Variants in C5 observed in about 807,000 individuals in gnomAD.
C5 encodes complement C5.
C5 carries 140 observed loss-of-function variants against 218.8 expected under a neutral mutation model. The ratio of observed to expected loss-of-function variants is 0.64; its 90% CI spans 0.56 to 0.74. C5 has a LOEUF of 0.74. C5 is among the 30% of genes least tolerant of loss of function. The pLI, the probability that C5 is intolerant of heterozygous loss-of-function variation, is 0.00. For synonymous variants in C5, 614 were observed against 682.3 expected (o/e 0.90, Z 1.56); for missense variants, 1,700 against 1,969.6 (o/e 0.86, Z 2.59).
At chr9:121,039,314 G>A (rs917014651) in intron 3 of C5, among the ~76,000 whole-genome samples, 11 of 152,250 alleles carry the variant, frequency 7.2e-5, no homozygotes, top group African/African-American at 2.6e-4. Context: ...GTACATTGGA[G>A]GCAAGATCTA....
Position 120,983,653 on chromosome 9 carries a change from A to G in C5, c.3231-839T>C, listed in dbSNP as rs2047011871. On this transcript the variant is annotated intron_variant, in intron 25 of 40. Coordinates refer to ENST00000223642, the MANE Select transcript of C5 (RefSeq NM_001735.3). The stretch of plus-strand genomic sequence containing the variant: ...TAGTGAGACATTGTCTCTACAAAAA[A>G]TGCAAAACATTAGCCAGATGTGGTG... Among the ~76,000 whole-genome samples, 3 of 152,320 alleles carry G rather than the reference A, an allele frequency of 2.0e-5. No homozygotes were observed. In the South Asian group the frequency reaches 6.2e-4, roughly 32 times the overall value.
the C5 span, among the ~76,000 whole-genome samples, chr9:121,059,651 G>A: frequency 3.9e-5 from 6 of 152,302 alleles, no homozygotes; most frequent in African/African-American, 7.2e-5. This position sits in a 1 kb window ranked among gnomAD's most constrained non-coding sequence, Gnocchi z 4.1. Flanking sequence ...GTATCACACC[G>A]ATTCATCTGA....
rs762047129 is a variant in C5, at chr9:121,025,458, A to AGACT, written c.992_995dup (p.Thr333ValfsTer7). On this transcript the variant is annotated frameshift_variant, in exon 9 of 41. Transcript: ENST00000223642. LOFTEE classifies it high-confidence loss of function. ...CACACACACACACACACTTACCTGT[A>AGACT]GACTCTATGACTGTTACAGCAATAT... is the stretch of plus-strand genomic sequence containing the variant. 1.9e-6 allele frequency: 3 copies of AGACT among 1,588,406 alleles called. No individual in the cohort carries two copies. In the Admixed American group the frequency reaches 5.2e-5, roughly 28 times the overall value.
intron 20 of C5, among the ~76,000 whole-genome samples, chr9:121,000,946 G>A (rs916458285): frequency 2.6e-5 from 4 of 151,996 alleles, no homozygotes; most frequent in African/African-American, 7.2e-5. Flanking sequence ...GTAGAAAAAC[G>A]TTTTTAAAAC....
chr9:121,074,665 G>C, the C5 span: 2 of 376,176 alleles, frequency 5.3e-6, no homozygotes, highest in African/African-American at 2.1e-5. Context: ...GGGTGGCGGC[G>C]GCAGCTTTGT....
chr9:121,052,437 G>C (rs528945834), upstream of C5, among the ~76,000 whole-genome samples: 11 of 137,084 alleles, frequency 8.0e-5, no homozygotes, highest in African/African-American at 2.8e-4. Flanking sequence ...GAGCAACAGA[G>C]CCAGACTCCA....
At chr9:121,039,748 A>C (rs2047560607) in intron 3 of C5, among the ~76,000 whole-genome samples, 2 of 152,198 alleles carry the variant, frequency 1.3e-5, no homozygotes, top group African/African-American at 4.8e-5. Flanking sequence ...TCCTGGGTTC[A>C]TGCCATTCTC....
the C5 span, among the ~76,000 whole-genome samples, chr9:121,057,535 A>G: frequency 6.6e-6 from 1 of 152,120 alleles, no homozygotes; most frequent in East Asian, 1.9e-4. Context: ...TTTCTTTCTG[A>G]TAATAGTTAA....
At chr9:121,021,117 G>T (rs2047361462) in intron 11 of C5, among the ~76,000 whole-genome samples, 1 of 152,132 alleles carries the variant, frequency 6.6e-6, no homozygotes, top group Non-Finnish European at 1.5e-5. Flanking sequence ...AAGTAGAATG[G>T]TTTCTGTAGT....
At chr9:121,049,321 T>C (rs561304304) in intron 1 of C5, among the ~76,000 whole-genome samples, 5 of 152,318 alleles carry the variant, frequency 3.3e-5, no homozygotes, top group Non-Finnish European at 5.9e-5. Flanking sequence ...TCAGTCTCTC[T>C]AAGCCTTAGC....
At chr9:121,064,496 G>T in the C5 span, among the ~76,000 whole-genome samples, 2 of 152,082 alleles carry the variant, frequency 1.3e-5, no homozygotes, top group Non-Finnish European at 2.9e-5. Context: ...AATTATTGCT[G>T]CAGATTTTCA....
intron 33 of C5, among the ~76,000 whole-genome samples, chr9:120,968,607 G>C (rs2046886657): frequency 6.6e-6 from 1 of 152,208 alleles, no homozygotes; most frequent in African/African-American, 2.4e-5. Flanking sequence ...GCTACCATTA[G>C]AATGACCTCT....
intron 25 of C5, 106 bp from the exon 26 acceptor site, chr9:120,982,920 C>T: frequency 1.5e-6 from 1 of 684,326 alleles, no homozygotes; most frequent in Admixed American, 3.1e-5. Context: ...CATTTTAAAA[C>T]ATGCAATTCC....
Position 121,019,989 on chromosome 9 carries a change from T to C in C5, c.1493A>G (p.His498Arg). ...PKSPYIDKIT[H>R]YNYLILSKGK... Reference sequence around the variant, plus strand: ...TTATGTACTTACCAAGTAATTATAGTGAGTTATTTTGTCAATATATGGGCT... The same window carrying C: ...TTATGTACTTACCAAGTAATTATAGCGAGTTATTTTGTCAATATATGGGCT... Residue 498 changes from histidine (H) to arginine (R), a missense_variant, in exon 12 of 41, where the codon CAC becomes CGC. By Grantham distance (29) the His-to-Arg change is conservative. Coordinates refer to ENST00000223642, the MANE Select transcript of C5 (RefSeq NM_001735.3). The C allele has an allele frequency of 6.3e-7, 1 of 1,588,404 alleles. No homozygotes were observed. The highest frequency in any genetic ancestry group is 8.6e-7 in the Non-Finnish European group (1 of 1,156,826).
At chr9:120,955,675 A>ATTTTG (rs2046779205) in intron 39 of C5, among the ~76,000 whole-genome samples, 1 of 152,200 alleles carries the variant, frequency 6.6e-6, no homozygotes, top group Admixed American at 6.5e-5. Context: ...TAAGTTTCAT[A>ATTTTG]CAATGAAACT....
At chr9:120,953,657 G>T in intron 40 of C5, 73 bp downstream of exon 40, 1 of 1,413,664 alleles carries the variant, frequency 7.1e-7, no homozygotes, top group Non-Finnish European at 1.0e-6. Context: ...TAAGAAACAC[G>T]TAGTGTATTT....
At chr9:121,001,372 A>C (rs1466034480) in intron 20 of C5, among the ~76,000 whole-genome samples, 2 of 152,228 alleles carry the variant, frequency 1.3e-5, no homozygotes. Context: ...AATACATGAA[A>C]GAAGAAATAC....
chr9:121,063,936 T>C, the C5 span, among the ~76,000 whole-genome samples: 1 of 152,156 alleles, frequency 6.6e-6, no homozygotes, highest in Non-Finnish European at 1.5e-5. Context: ...TTAAAACTGG[T>C]GGTTATTCTG....
chr9:121,018,393 G>A (rs2047327635), intron 12 of C5, among the ~76,000 whole-genome samples: 1 of 151,644 alleles, frequency 6.6e-6, no homozygotes. Flanking sequence ...GGCCAACATG[G>A]TGAAACCCTG....
Sources: gnomAD v4.1 joint callset for allele counts (sites outside exome capture counted in the v4.1 genomes callset) on GRCh38, gnomAD v4.1.1 for gene constraint, Gnocchi (gnomAD v3.1) non-coding constraint, MANE v1.5 for transcripts, NCBI Gene and HGNC (gene_info 2026-07-23, HGNC 2026-07-21) for gene names.